Variants in MSRB3 observed in about 807,000 individuals in gnomAD.
The protein encoded by MSRB3 is methionine sulfoxide reductase B3.
In MSRB3, 13 loss-of-function variants were observed where a neutral mutation model predicts 21.0. The ratio of observed to expected loss-of-function variants is 0.62; its 90% CI spans 0.40 to 0.98. The LOEUF is 0.98. Ranked by LOEUF, MSRB3 falls within the 50% of genes least tolerant of loss-of-function variation. MSRB3 has a pLI of 0.00. For synonymous variants in MSRB3, 87 were observed against 88.6 expected (o/e 0.98, Z 0.10); for missense variants, 199 against 230.3 (o/e 0.86, Z 0.88).
At chr12:65,284,750 T>G (rs1042454028) in intron 1 of MSRB3, 5 of 152,244 alleles carry the variant, frequency 3.3e-5, no homozygotes, top group African/African-American at 1.2e-4. Flanking sequence ...CTTTAAAAGA[T>G]GCCGAGTCGG....
chr12:65,349,817 T>C (rs1263250826), intron 4 of MSRB3, among the ~76,000 whole-genome samples: 1 of 151,890 alleles, frequency 6.6e-6, no homozygotes, highest in Non-Finnish European at 1.5e-5. Context: ...TAGCCCTTTG[T>C]CAGATAAGTA....
At chr12:65,379,249 A>G (rs1311285292) in intron 5 of MSRB3, among the ~76,000 whole-genome samples, 1 of 151,898 alleles carries the variant, frequency 6.6e-6, no homozygotes, top group African/African-American at 2.4e-5. Flanking sequence ...ATCCATCTAT[A>G]TAAAAGATAG....
At chr12:65,370,070 A>G (rs2136535454) in intron 5 of MSRB3, among the ~76,000 whole-genome samples, 2 of 152,280 alleles carry the variant, frequency 1.3e-5, no homozygotes, top group East Asian at 3.9e-4. Flanking sequence ...TTGAGTTAAC[A>G]AATTTACCTA....
At chr12:65,341,427 G>A (rs768508926) in intron 4 of MSRB3, among the ~76,000 whole-genome samples, 2 of 151,836 alleles carry the variant, frequency 1.3e-5, no homozygotes, top group African/African-American at 2.4e-5. Flanking sequence ...TGGGGGGAAG[G>A]GAGGATGGTT....
chr12:65,430,901 G>GTTTTACCC (rs1382771291), intron 5 of MSRB3, among the ~76,000 whole-genome samples: 1 of 152,024 alleles, frequency 6.6e-6, no homozygotes, highest in African/African-American at 2.4e-5. Flanking sequence ...GGCAAGTCTG[G>GTTTTACCC]TGCCCTTAAA....
intron 5 of MSRB3, among the ~76,000 whole-genome samples, chr12:65,412,056 A>G (rs987024200): frequency 3.9e-5 from 6 of 152,066 alleles, no homozygotes; most frequent in African/African-American, 1.4e-4. Flanking sequence ...ATGAGACCGC[A>G]CTTCCTATGA....
At chr12:65,297,673 G>C (rs1324675693) in intron 1 of MSRB3, among the ~76,000 whole-genome samples, 2 of 152,240 alleles carry the variant, frequency 1.3e-5, no homozygotes, top group African/African-American at 4.8e-5. Flanking sequence ...TGAATACCAG[G>C]ATACATTGGT....
At chr12:65,279,056 G>A in intron 1 of MSRB3, 191 bp downstream of exon 1, 1 of 1,422,626 alleles carries the variant, frequency 7.0e-7, no homozygotes, top group Non-Finnish European at 9.1e-7. Context: ...AGCGGTGAGG[G>A]GCCGAACGGA....
intron 4 of MSRB3, among the ~76,000 whole-genome samples, chr12:65,334,134 C>G (rs139831658): frequency 1.3e-5 from 2 of 152,186 alleles, no homozygotes; most frequent in African/African-American, 4.8e-5. Context: ...CCACATAGGA[C>G]ATTTTAATAT....
chr12:65,362,777 G>T (rs1470483068), intron 4 of MSRB3, among the ~76,000 whole-genome samples: 1 of 152,124 alleles, frequency 6.6e-6, no homozygotes, highest in African/African-American at 2.4e-5. Context: ...GAGTGGGGGA[G>T]GGAGGAGGAA....
chr12:65,326,423 C>A (rs1390372456), intron 2 of MSRB3, among the ~76,000 whole-genome samples: 1 of 151,906 alleles, frequency 6.6e-6, no homozygotes, highest in Non-Finnish European at 1.5e-5. Flanking sequence ...TTATTGCAGA[C>A]TTACGGTTTA....
chr12:65,405,722 C>T (rs1377885895), intron 5 of MSRB3, among the ~76,000 whole-genome samples: 3 of 152,120 alleles, frequency 2.0e-5, no homozygotes, highest in Non-Finnish European at 4.4e-5. Flanking sequence ...GTTCCCTTCT[C>T]TCCACATTCT....
At chr12:65,428,461 A>T (rs966342162) in intron 5 of MSRB3, among the ~76,000 whole-genome samples, 2 of 152,170 alleles carry the variant, frequency 1.3e-5, no homozygotes, top group Non-Finnish European at 2.9e-5. Flanking sequence ...CATTGTGGTT[A>T]CATCCCTATT....
chr12:65,393,009 T>C (rs1028497712), intron 5 of MSRB3, among the ~76,000 whole-genome samples: 1 of 152,204 alleles, frequency 6.6e-6, no homozygotes, highest in South Asian at 2.1e-4. Context: ...GTTTTTGTTT[T>C]ATATGATTTA....
chr12:65,352,944 C>T (rs1158815865), intron 4 of MSRB3, among the ~76,000 whole-genome samples: 1 of 151,758 alleles, frequency 6.6e-6, no homozygotes, highest in Non-Finnish European at 1.5e-5. Flanking sequence ...TGACTTTCTT[C>T]ACAGAATTGG....
intron 1 of MSRB3, chr12:65,285,062 T>C (rs1206163340): frequency 6.6e-6 from 1 of 152,234 alleles, no homozygotes; most frequent in African/African-American, 2.4e-5. Flanking sequence ...GAAGAAGATA[T>C]GATTTCCACC....
At chr12:65,441,322 G>T (rs1050098342) in intron 5 of MSRB3, among the ~76,000 whole-genome samples, 1 of 151,936 alleles carries the variant, frequency 6.6e-6, no homozygotes, top group Admixed American at 6.6e-5. Flanking sequence ...GGAGTGGTAA[G>T]TAGGTTACCT....
At chr12:65,327,209 G>A (rs1034230003) in intron 3 of MSRB3, among the ~76,000 whole-genome samples, 1 of 152,232 alleles carries the variant, frequency 6.6e-6, no homozygotes, top group African/African-American at 2.4e-5. Context: ...ATGTGTGGAA[G>A]TAACAGCGAT....
rs1226966455 is a variant in MSRB3, at chr12:65,339,805, T to C, written c.263+11202T>C. On this transcript the variant is annotated intron_variant, in intron 4 of 6. Coordinates refer to ENST00000308259, the MANE Select transcript of MSRB3 (RefSeq NM_001031679.3). ...CACTGTAATGGGGGCAAACAAAAGA[T>C]AGACCAAACTTAACAAAAACTGCAA... Among the ~76,000 whole-genome samples the C allele has an allele frequency of 3.3e-5, 5 of 152,284 alleles. No homozygotes were observed. The East Asian group carries it at 9.6e-4, about 29-fold the overall frequency.
Sources: allele counts gnomAD v4.1 joint callset (sites outside exome capture counted in the v4.1 genomes callset), GRCh38; gene constraint gnomAD v4.1.1; transcripts MANE v1.5; gene names NCBI Gene and HGNC (gene_info 2026-07-23, HGNC 2026-07-21).